The following CYP26A1 variants were observed in gnomAD, a reference collection of about 807,000 sequenced individuals.
CYP26A1 encodes cytochrome P450 26A1.
CYP26A1 carries 46 observed loss-of-function variants against 47.4 expected under a neutral mutation model. That is an observed-to-expected ratio of 0.97 (90% CI 0.77 to 1.24). The LOEUF (loss-of-function observed/expected upper bound fraction) is 1.24. Among genes scored for constraint, CYP26A1 ranks in the 50% most tolerant of loss-of-function variants. The pLI is 0.00. For synonymous variants in CYP26A1, 277 were observed against 263.7 expected (o/e 1.05, Z -0.49); for missense variants, 680 against 644.4 (o/e 1.06, Z -0.60).
At position 93,074,178 on chromosome 10, in the gene CYP26A1, G is replaced by A. The variant is rs558776097; in HGVS notation, c.189+55G>A. 22 of 1,521,210 alleles carry A rather than the reference G, an allele frequency of 1.4e-5. No homozygotes were observed. In the African/African-American group the frequency reaches 2.3e-4, roughly 16 times the overall value. The allele number at this position is 1,521,210 out of a possible 1,614,324, so 94.2% of individuals were successfully genotyped here. On this transcript the variant is annotated intron_variant, in intron 1 of 6. Transcript: ENST00000224356. This position sits in a 1 kb window ranked among gnomAD's most constrained non-coding sequence, Gnocchi z 5.3. ...TTCCCCGGAGCCCGGCGCGGCTCTG[G>A]GCTTCTGCTGAAGTCGGGGTAGGCG...
intron 5 of CYP26A1, 95 bp from the exon 6 acceptor site, chr10:93,076,449 G>T: frequency 1.3e-6 from 1 of 786,228 alleles, no homozygotes; most frequent in Non-Finnish European, 2.1e-6. Flanking sequence ...GGGGCCCTTT[G>T]GGTTTAGTCT....
chr10:93,075,629 T>G, intron 4 of CYP26A1, 197 bp from the exon 5 acceptor site: 1 of 587,728 alleles, frequency 1.7e-6, no homozygotes. Context: ...TAGAGCGGGG[T>G]CGTACTCGCC....
Position 93,074,556 on chromosome 10 carries a change from G to T in CYP26A1, c.414+24G>T. On this transcript the variant is annotated intron_variant, in intron 2 of 6. Coordinates refer to ENST00000224356, the MANE Select transcript of CYP26A1 (RefSeq NM_000783.4). The surrounding 1 kb of genome is among the most constrained non-coding windows in gnomAD (Gnocchi z 5.3). ...AGGTGGGGGCAGGAGGCGACGGCTG[G>T]ACAGGGAGGGGGACCCCATTTATGA... is the stretch of plus-strand genomic sequence containing the variant. 1 of 1,430,896 alleles carries T rather than the reference G, an allele frequency of 7.0e-7. No individual in the cohort carries two copies. The highest frequency in any genetic ancestry group is 9.9e-7 in the Non-Finnish European group (1 of 1,013,988). The allele number at this position is 1,430,896 out of a possible 1,614,324, so 88.6% of individuals were successfully genotyped here. A position where few individuals can be genotyped will look rare whatever the true frequency, so the allele number is the denominator to read the frequency against.
At chr10:93,075,390 C>A in intron 4 of CYP26A1, 83 bp downstream of exon 4, 1 of 1,339,924 alleles carries the variant, frequency 7.5e-7, no homozygotes, top group Non-Finnish European at 1.0e-6. Flanking sequence ...CCAAAGCGCG[C>A]GCCTGGGGCC....
At position 93,077,523 on chromosome 10, in the gene CYP26A1, T is replaced by C; in HGVS notation, c.*219T>C. The C allele has an allele frequency of 3.1e-6, 1 of 319,248 alleles. No homozygotes were observed. The highest frequency in any genetic ancestry group is 5.6e-6 in the Non-Finnish European group (1 of 178,770). 19.8% of individuals were successfully genotyped at this position (319,248 alleles called of 1,614,324 possible). A position where few individuals can be genotyped will look rare whatever the true frequency, so the allele number is the denominator to read the frequency against. On this transcript the variant is annotated 3_prime_UTR_variant, in exon 7 of 7. Transcript: ENST00000224356. ...TTTTCTGGTATTTTAAGATTCCTGT[T>C]GGGTAAAACTCACCAGTTTAGTATT...
chr10:93,076,863 T>G, intron 6 of CYP26A1, 100 bp from the exon 7 acceptor site: 1 of 995,380 alleles, frequency 1.0e-6, no homozygotes, highest in South Asian at 1.6e-5. Flanking sequence ...CTCCCTTGCT[T>G]TTAGCTCATA....
In CYP26A1 at chr10:93,075,244, C is replaced by A; in HGVS notation, c.801C>A (p.Cys267Ter). ...GLRASEAGQGCKDALQLLIEH... is the reference protein window; with the variant it reads ...GLRASEAGQG The stretch of plus-strand genomic sequence containing the variant: ...GGGCATCCGAGGCGGGCCAGGGCTG[C>A]AAAGACGCGCTGCAGCTGTTGATCG... Residue 267 changes from cysteine (C) to a stop codon, truncating the protein, a stop_gained, in exon 4 of 7, where the codon TGC becomes TGA. Coordinates refer to ENST00000224356, the MANE Select transcript of CYP26A1 (RefSeq NM_000783.4). LOFTEE classifies it high-confidence loss of function. 1 of 1,614,078 alleles carries A rather than the reference C, an allele frequency of 6.2e-7. No homozygotes were observed. The highest frequency in any genetic ancestry group is 8.5e-7 in the Non-Finnish European group (1 of 1,179,996).
At position 93,075,197 on chromosome 10, in the gene CYP26A1, C is replaced by T. The variant is rs756198865; in HGVS notation, c.754C>T (p.Arg252Cys). The T allele has an allele frequency of 5.1e-5, 83 of 1,613,746 alleles. No individual in the cohort carries two copies. The highest frequency in any genetic ancestry group is 6.5e-5 in the Non-Finnish European group (77 of 1,179,966). The change falls in exon 4 of 7, where the codon CGC (arginine) becomes TGC (cysteine). Residue 252 changes from arginine to cysteine, a missense_variant. By Grantham distance (180) the Arg-to-Cys change is radical. Coordinates refer to ENST00000224356, the MANE Select transcript of CYP26A1 (RefSeq NM_000783.4). ...LIHARIEQNI[R>C]AKICGLRASE... ...TCACGCGCGCATCGAGCAGAACATTCGCGCCAAGATCTGCGGGCTGCGGGC... is the reference window on the plus strand; with the variant it reads ...TCACGCGCGCATCGAGCAGAACATTTGCGCCAAGATCTGCGGGCTGCGGGC...
intron 4 of CYP26A1, 70 bp downstream of exon 4, chr10:93,075,377 C>A: frequency 6.8e-7 from 1 of 1,473,494 alleles, no homozygotes; most frequent in Non-Finnish European, 9.3e-7. Context: ...GTTCCTGGGG[C>A]CCCCAAAGCG....
chr10:93,075,114 G>A, intron 3 of CYP26A1, 35 bp from the exon 4 acceptor site: 1 of 1,610,990 alleles, frequency 6.2e-7, no homozygotes, highest in East Asian at 2.2e-5. Context: ...CGGGACCTGG[G>A]CGTCTGCTCA....
rs376693066 is a variant in CYP26A1 at position 93,074,273 on chromosome 10, C to T, written c.190-35C>T. Reference sequence around the variant, plus strand: ...AGCGCGGCGCTCCCCGGCGCCCCCTCATGCCCACTTCTCTCCTCCGCCTTC... The same window carrying T: ...AGCGCGGCGCTCCCCGGCGCCCCCTTATGCCCACTTCTCTCCTCCGCCTTC... On this transcript the variant is annotated intron_variant, in intron 1 of 6. Transcript: ENST00000224356. The surrounding 1 kb of genome is among the most constrained non-coding windows in gnomAD (Gnocchi z 5.3). 1.0e-5 allele frequency: 16 copies of T among 1,533,956 alleles called. No homozygotes were observed. In the African/African-American group the frequency reaches 1.6e-4, roughly 16 times the overall value.
Position 93,074,127 on chromosome 10 carries a change from A to C in CYP26A1, c.189+4A>C. 2 of 428,578 alleles carry C rather than the reference A, an allele frequency of 4.7e-6. No individual in the cohort carries two copies. Among genetic ancestry groups the C allele is most frequent in the Non-Finnish European group, 8.9e-6 (2 of 224,410 alleles). 26.5% of individuals were successfully genotyped at this position (428,578 alleles called of 1,614,324 possible). ...AACCTTGCAGATGGTACTGCAGGTA[A>C]GGGAGGGTGGGGCGGGACAGGCTGC... On this transcript the variant is annotated splice_donor_region_variant and intron_variant, in intron 1 of 6. Transcript: ENST00000224356. This position sits in a 1 kb window ranked among gnomAD's most constrained non-coding sequence, Gnocchi z 5.3.
chr10:93,073,627 A>G, upstream of CYP26A1: 1 of 394,914 alleles, frequency 2.5e-6, no homozygotes, highest in Non-Finnish European at 4.5e-6. Context: ...GCCGCCTCGG[A>G]GCTCAGCACA....
chr10:93,077,360 G>C lies in CYP26A1; in HGVS notation c.*56G>C. 1 of 963,090 alleles carries C rather than the reference G, an allele frequency of 1.0e-6. No individual in the cohort carries two copies. The highest frequency in any genetic ancestry group is 1.5e-6 in the Non-Finnish European group (1 of 672,808). The allele number at this position is 963,090 out of a possible 1,614,324, so 59.7% of individuals were successfully genotyped here. On this transcript the variant is annotated 3_prime_UTR_variant, in exon 7 of 7. Transcript: ENST00000224356. ...TGGAAGTGTACATATGAGTTTTTAA[G>C]GAGTGTTGTGTTGACTTTATATTTA...
intron 4 of CYP26A1, chr10:93,075,533 C>G (rs1034013521): frequency 1.2e-5 from 7 of 597,826 alleles, no homozygotes; most frequent in African/African-American, 1.9e-5. Flanking sequence ...TTCCAGGTTT[C>G]AAAGGGAAAG....
rs548145274 is a variant in CYP26A1, at chr10:93,074,523, G to C, written c.405G>C (p.Gln135His). ...ACCTGCACGACTCCTCGCACAAGCA[G>C]CGCAAGAAGGTGGGGGCAGGAGGCG... ...LSNLHDSSHK[Q>H]RKKVIMRAFS... The change falls in exon 2 of 7, where the codon CAG becomes CAC. Residue 135 changes from glutamine (Q) to histidine (H), a missense_variant. Gln to His is a conservative substitution (Grantham distance 24). Transcript: ENST00000224356. The surrounding 1 kb of genome is among the most constrained non-coding windows in gnomAD (Gnocchi z 5.3). The C allele has an allele frequency of 1.3e-6, 2 of 1,597,514 alleles. No homozygotes were observed. The highest frequency in any genetic ancestry group is 2.2e-5 in the South Asian group (2 of 90,800).
Position 93,076,623 on chromosome 10 carries a change from T to C in CYP26A1, c.1079T>C (p.Ile360Thr). 3 of 1,609,770 alleles carry C rather than the reference T, an allele frequency of 1.9e-6. No individual in the cohort carries two copies. The highest frequency in any genetic ancestry group is 4.5e-5 in the East Asian group (2 of 44,868). Residue 360 changes from isoleucine (I) to threonine (T), a missense_variant, in exon 6 of 7, where the codon ATT becomes ACT. Ile to Thr is a moderately conservative substitution (Grantham distance 89). Transcript: ENST00000224356. The stretch of plus-strand genomic sequence containing the variant: ...CAACTTAAATACATCGGGTGTGTTA[T>C]TAAGGAGACCCTTCGACTGAATCCC... ...LEQLKYIGCV[I>T]KETLRLNPPV... is the part of the protein sequence containing the mutation.
In CYP26A1 at chr10:93,077,131, A is replaced by G. The variant is rs867165563; in HGVS notation, c.1321A>G (p.Ser441Gly). The G allele has an allele frequency of 6.2e-7, 1 of 1,614,144 alleles. No individual in the cohort carries two copies. The highest frequency in any genetic ancestry group is 8.5e-7 in the Non-Finnish European group (1 of 1,179,990). Residue 441 changes from serine to glycine, a missense_variant, in exon 7 of 7, where the codon AGC becomes GGC. Coordinates refer to ENST00000224356, the MANE Select transcript of CYP26A1 (RefSeq NM_000783.4). The stretch of plus-strand genomic sequence containing the variant: ...CATTCCATTTGGAGGAGGCCTTAGG[A>G]GCTGTGTAGGCAAAGAATTTGCAAA... ...SFIPFGGGLR[S>G]CVGKEFAKIL...
chr10:93,075,033 G>T lies in CYP26A1; in HGVS notation c.669G>T (p.Ser223=), dbSNP rs1846956942. The T allele has an allele frequency of 2.5e-6, 4 of 1,612,924 alleles. No homozygotes were observed. The highest frequency in any genetic ancestry group is 2.2e-5 in the South Asian group (2 of 91,088). The part of the protein sequence containing the change: ...AFEEMTRNLF[S]LPIDVPFSGL... ...AGGAAATGACCCGCAATCTCTTCTC[G>T]CTGCCCATCGACGTGCCCTTCAGCG... is the stretch of plus-strand genomic sequence containing the variant. Residue 223 remains serine, a synonymous_variant, in exon 3 of 7, where the codon TCG becomes TCT. Transcript: ENST00000224356.
Sources: allele counts gnomAD v4.1 joint callset, GRCh38; gene constraint gnomAD v4.1.1; non-coding constraint Gnocchi (gnomAD v3.1); transcripts MANE v1.5; gene names NCBI Gene and HGNC (gene_info 2026-07-23, HGNC 2026-07-21).